Variants in DGKB observed in about 807,000 individuals in gnomAD.
DGKB encodes the protein 90 kDa diacylglycerol kinase.
DGKB carries 67 observed loss-of-function variants against 114.3 expected under a neutral mutation model. The ratio of observed to expected loss-of-function variants is 0.59; its 90% CI spans 0.48 to 0.72. The LOEUF is 0.72. Ranked by LOEUF, DGKB falls within the 30% of genes least tolerant of loss-of-function variation. The pLI is 0.00. For synonymous variants in DGKB, 398 were observed against 323.1 expected, an observed-to-expected ratio of 1.23 and a Z score of -2.49; for missense variants, 907 against 975.2, an observed-to-expected ratio of 0.93 and a Z score of 0.93.
intron 20 of DGKB, among the ~76,000 whole-genome samples, chr7:14,544,228 T>C (rs1477890613): frequency 6.6e-6 from 1 of 152,176 alleles, no homozygotes; most frequent in Non-Finnish European, 1.5e-5. Context: ...ATGTTCTCGC[T>C]TTTGTAGGCC....
At chr7:14,489,743 T>G (rs147480541) in intron 20 of DGKB, among the ~76,000 whole-genome samples, 1 of 150,474 alleles carries the variant, frequency 6.6e-6, no homozygotes, top group African/African-American at 2.5e-5. Context: ...GATGGGAGAG[T>G]AAGAGGTAGG....
chr7:14,595,883 T>C lies in DGKB; in HGVS notation c.1433+11551A>G, dbSNP rs146000259. On this transcript the variant is annotated intron_variant, in intron 17 of 25. Coordinates refer to ENST00000402815, the MANE Select transcript of DGKB (RefSeq NM_001350709.2). ...ACTTAGCTTCACAAGTCATCATTGATAAAGTAAATTTTTAGTATTATTGTT... is the reference window on the plus strand; with the variant it reads ...ACTTAGCTTCACAAGTCATCATTGACAAAGTAAATTTTTAGTATTATTGTT... 2.0e-4 allele frequency among the ~76,000 whole-genome samples: 30 copies of C among 152,260 alleles called. No homozygotes were observed. In the East Asian group the frequency reaches 4.4e-3, roughly 23 times the overall value.
At chr7:14,725,213 C>T (rs1255394664) in intron 5 of DGKB, among the ~76,000 whole-genome samples, 1 of 152,098 alleles carries the variant, frequency 6.6e-6, no homozygotes, top group Non-Finnish European at 1.5e-5. Context: ...AAACTTTCTG[C>T]ACTCTTCAAT....
chr7:14,349,987 C>A (rs1180106835), intron 21 of DGKB, among the ~76,000 whole-genome samples: 3 of 152,058 alleles, frequency 2.0e-5, no homozygotes, highest in Non-Finnish European at 4.4e-5. Flanking sequence ...TTCTGTAAAC[C>A]TCACAAAAGT....
intron 20 of DGKB, among the ~76,000 whole-genome samples, chr7:14,506,656 C>T (rs1028719527): frequency 6.6e-6 from 1 of 152,128 alleles, no homozygotes; most frequent in Non-Finnish European, 1.5e-5. Flanking sequence ...ACGCACTAAC[C>T]TCTGAGGGCA....
intron 21 of DGKB, among the ~76,000 whole-genome samples, chr7:14,398,177 T>A (rs1173268610): frequency 6.6e-6 from 1 of 152,118 alleles, no homozygotes; most frequent in African/African-American, 2.4e-5. Context: ...TGGTAATGAC[T>A]GGGTGAAGAG....
intron 22 of DGKB, among the ~76,000 whole-genome samples, chr7:14,344,935 G>A (rs571115297): frequency 6.6e-6 from 1 of 151,650 alleles, no homozygotes; most frequent in African/African-American, 2.4e-5. Flanking sequence ...TGTTTTAAAG[G>A]TTACAAGATA....
intron 25 of DGKB, among the ~76,000 whole-genome samples, chr7:14,166,207 A>G (rs1784586329): frequency 6.6e-6 from 1 of 152,214 alleles, no homozygotes; most frequent in African/African-American, 2.4e-5. Flanking sequence ...CGCCTATAGA[A>G]ATACCTAAAA....
intron 1 of DGKB, among the ~76,000 whole-genome samples, chr7:14,909,871 T>C (rs772716607): frequency 2.6e-5 from 4 of 152,100 alleles, no homozygotes; most frequent in Admixed American, 2.0e-4. Context: ...TCCATTGGGA[T>C]AATCTTGGGA....
At chr7:14,574,793 T>C (rs1197419029) in intron 19 of DGKB, among the ~76,000 whole-genome samples, 1 of 152,182 alleles carries the variant, frequency 6.6e-6, no homozygotes, top group Non-Finnish European at 1.5e-5. Context: ...CTTTTCCCTT[T>C]CCATCACTCT....
chr7:14,875,509 A>G (rs1853140267), intron 1 of DGKB, among the ~76,000 whole-genome samples: 1 of 152,180 alleles, frequency 6.6e-6, no homozygotes, highest in Non-Finnish European at 1.5e-5. Context: ...AGCATAATAT[A>G]ATGTCTTTTG....
intron 22 of DGKB, among the ~76,000 whole-genome samples, chr7:14,343,355 T>C (rs1267331177): frequency 6.6e-6 from 1 of 151,854 alleles, no homozygotes. Flanking sequence ...CATAACTTAG[T>C]TCTAGTAGCC....
intron 21 of DGKB, among the ~76,000 whole-genome samples, chr7:14,447,226 T>C (rs1347271147): frequency 2.6e-5 from 4 of 151,956 alleles, no homozygotes; most frequent in Admixed American, 2.0e-4. Context: ...ATGAAAGAAA[T>C]AGAACTCAGC....
At position 14,925,365 on chromosome 7, in the gene DGKB, C is replaced by T. The variant is rs188222038; in HGVS notation, c.-188+49331G>A. Among the ~76,000 whole-genome samples the T allele has an allele frequency of 2.0e-3, 302 of 152,124 alleles. 2 individuals are homozygous for T. The highest frequency in any genetic ancestry group is 6.1e-3 in the African/African-American group (252 of 41,506). ...GATGAATATCTGTTCATGTATTTTGCGCATATTTTTAGGCAGATTGCCTGA... is the reference window on the plus strand; with the variant it reads ...GATGAATATCTGTTCATGTATTTTGTGCATATTTTTAGGCAGATTGCCTGA... On this transcript the variant is annotated intron_variant, in intron 1 of 4. Coordinates refer to the DGKB transcript ENST00000437998.
chr7:14,211,992 A>G (rs199676963), intron 23 of DGKB, among the ~76,000 whole-genome samples: 935 of 20,410 alleles, frequency 0.046, 67 homozygotes, highest in Non-Finnish European at 0.078. Context: ...ATTTACTCTC[A>G]TGTTTTGTGA....
chr7:14,444,698 T>A (rs1319368394), intron 21 of DGKB, among the ~76,000 whole-genome samples: 3 of 151,902 alleles, frequency 2.0e-5, no homozygotes, highest in African/African-American at 7.2e-5. Context: ...ATGATGGTAG[T>A]CCTATTACTA....
chr7:14,708,896 T>C (rs1826803007), intron 6 of DGKB, among the ~76,000 whole-genome samples: 1 of 151,180 alleles, frequency 6.6e-6, no homozygotes, highest in African/African-American at 2.5e-5. Flanking sequence ...ATTCGGGACA[T>C]AGGCATGGGC....
chr7:14,773,470 G>A (rs1837710805), intron 2 of DGKB, among the ~76,000 whole-genome samples: 1 of 152,088 alleles, frequency 6.6e-6, no homozygotes, highest in Non-Finnish European at 1.5e-5. Context: ...TACAGAGTCA[G>A]TGAATTTAAA....
intron 1 of DGKB, among the ~76,000 whole-genome samples, chr7:14,885,246 G>A (rs1226421400): frequency 6.6e-6 from 1 of 151,892 alleles, no homozygotes; most frequent in Non-Finnish European, 1.5e-5. Context: ...CTCAAATATT[G>A]TATAACTATG....
Sources: allele counts gnomAD v4.1 joint callset (sites outside exome capture counted in the v4.1 genomes callset), GRCh38; gene constraint gnomAD v4.1.1; transcripts MANE v1.5; gene names NCBI Gene and HGNC (gene_info 2026-07-23, HGNC 2026-07-21).